SRBD1: variants seen among roughly 807,000 people sequenced by gnomAD.
The protein encoded by SRBD1 is S1 RNA binding domain 1, also known as S1 RNA-binding domain-containing protein 1.
Under a neutral mutation model 115.3 loss-of-function variants are expected in SRBD1, and 88 were observed. The observed-to-expected ratio is 0.76, with a 90% confidence interval of 0.64 to 0.91. The LOEUF (loss-of-function observed/expected upper bound fraction) is 0.91. Ranked by LOEUF, SRBD1 falls within the 40% of genes least tolerant of loss-of-function variation. The pLI is 0.00. For synonymous variants in SRBD1, 509 were observed against 407.7 expected, an observed-to-expected ratio of 1.25 and a Z score of -2.99; for missense variants, 1,385 against 1,177.4, an observed-to-expected ratio of 1.18 and a Z score of -2.58.
At chr2:45,588,923 T>C (rs376521143) in intron 4 of SRBD1, among the ~76,000 whole-genome samples, 31 of 152,316 alleles carry the variant, frequency 2.0e-4, no homozygotes, top group African/African-American at 7.2e-4. Context: ...TTTTCTTTCA[T>C]TGTAATCAAA....
chr2:45,447,767 G>T (rs978047795), intron 16 of SRBD1: 1 of 152,112 alleles, frequency 6.6e-6, no homozygotes, highest in African/African-American at 2.4e-5. Flanking sequence ...TTATATTCCT[G>T]AATATGTTAC....
At chr2:45,443,368 G>T (rs971942367) in intron 16 of SRBD1, among the ~76,000 whole-genome samples, 11 of 152,152 alleles carry the variant, frequency 7.2e-5, no homozygotes, top group African/African-American at 2.7e-4. Context: ...CAACAGGTTT[G>T]CAGTTTTACT....
chr2:45,445,611 G>A lies in SRBD1; in HGVS notation c.2050-25717C>T, dbSNP rs183632786. ...AAGGAATTAGTGTTAGTCAAGCCAC[G>A]GAACAAAGTCAGAAACATATTAAAG... On this transcript the variant is annotated intron_variant, in intron 16 of 20. Transcript: ENST00000263736. Among the ~76,000 whole-genome samples the A allele has an allele frequency of 2.2e-3, 319 of 143,738 alleles. 1 individual carries two copies. Among genetic ancestry groups the A allele is most frequent in the African/African-American group, 7.6e-3 (295 of 38,992 alleles). The allele number at this position is 143,738 out of a possible 152,430, so 94.3% of individuals were successfully genotyped here. A position where few individuals can be genotyped will look rare whatever the true frequency, so the allele number is the denominator to read the frequency against.
chr2:45,533,123 T>C (rs1671663993), intron 14 of SRBD1, among the ~76,000 whole-genome samples: 1 of 151,986 alleles, frequency 6.6e-6, no homozygotes. Flanking sequence ...GAGGAAAATA[T>C]GGATAAGAAT....
At chr2:45,587,399 A>T (rs1320475924) in intron 4 of SRBD1, among the ~76,000 whole-genome samples, 1 of 151,806 alleles carries the variant, frequency 6.6e-6, no homozygotes. Context: ...TACAAAAGTC[A>T]GCCCGGAAAA....
At chr2:45,510,160 G>C (rs1253097602) in intron 14 of SRBD1, among the ~76,000 whole-genome samples, 1 of 152,110 alleles carries the variant, frequency 6.6e-6, no homozygotes, top group Non-Finnish European at 1.5e-5. Context: ...GTTTATGTGT[G>C]TATATACTCT....
intron 15 of SRBD1, among the ~76,000 whole-genome samples, chr2:45,482,534 C>A (rs775063532): frequency 6.6e-6 from 1 of 151,320 alleles, no homozygotes; most frequent in Non-Finnish European, 1.5e-5. Flanking sequence ...AGAGATTTTA[C>A]GTACAGTATG....
In SRBD1 at chr2:45,389,109, T is replaced by C; in HGVS notation, c.*201A>G. ...GCCATATAAGAATGTGTATTAGTTG[T>C]TTCCTTTAAGGGAAAAGGAAATCAA... On this transcript the variant is annotated 3_prime_UTR_variant, in exon 21 of 21. Transcript: ENST00000263736. 1 of 642,964 alleles carries C rather than the reference T, an allele frequency of 1.6e-6. No individual in the cohort carries two copies. The highest frequency in any genetic ancestry group is 2.5e-5 in the South Asian group (1 of 40,622). The allele number at this position is 642,964 out of a possible 1,614,324, so 39.8% of individuals were successfully genotyped here. A position where few individuals can be genotyped will look rare whatever the true frequency, so the allele number is the denominator to read the frequency against.
At chr2:45,489,492 C>T (rs1279060684) in intron 14 of SRBD1, among the ~76,000 whole-genome samples, 8 of 152,110 alleles carry the variant, frequency 5.3e-5, no homozygotes, top group South Asian at 2.1e-4. Context: ...GAAGATTATT[C>T]TGGGGAATGT....
chr2:45,414,417 T>C (rs936384202), intron 18 of SRBD1, among the ~76,000 whole-genome samples: 1 of 147,130 alleles, frequency 6.8e-6, no homozygotes, highest in Admixed American at 6.8e-5. Flanking sequence ...TATGTGTATA[T>C]ACACATATAT....
intron 16 of SRBD1, among the ~76,000 whole-genome samples, chr2:45,455,772 AAAAT>A (rs1558406863): frequency 6.6e-6 from 1 of 151,876 alleles, no homozygotes; most frequent in Non-Finnish European, 1.5e-5. Flanking sequence ...AAAAAATAAA[AAAAT>A]AACAGTGGTG....
intron 12 of SRBD1, among the ~76,000 whole-genome samples, chr2:45,549,405 T>C (rs1036115439): frequency 6.6e-6 from 1 of 151,078 alleles, no homozygotes; most frequent in Non-Finnish European, 1.5e-5. Context: ...AACTAACGTA[T>C]GTAAAACTAA....
chr2:45,538,361 C>G (rs1358532487), intron 14 of SRBD1, among the ~76,000 whole-genome samples: 1 of 152,086 alleles, frequency 6.6e-6, no homozygotes, highest in Admixed American at 6.5e-5. Flanking sequence ...TTAGAGGGAT[C>G]AGAAAATTCA....
At chr2:45,531,304 A>C (rs937890172) in intron 14 of SRBD1, among the ~76,000 whole-genome samples, 1 of 151,906 alleles carries the variant, frequency 6.6e-6, no homozygotes, top group Admixed American at 6.6e-5. Flanking sequence ...AGGTAAGTGA[A>C]AACAATATTA....
chr2:45,549,255 A>C (rs184241593), intron 12 of SRBD1, among the ~76,000 whole-genome samples: 1 of 152,012 alleles, frequency 6.6e-6, no homozygotes, highest in Admixed American at 6.6e-5. Flanking sequence ...AGCAACAGAG[A>C]AGCAGATTCC....
At chr2:45,498,427 C>T (rs1259330464) in intron 14 of SRBD1, among the ~76,000 whole-genome samples, 4 of 152,098 alleles carry the variant, frequency 2.6e-5, no homozygotes, top group African/African-American at 9.7e-5. Context: ...TGATATATAA[C>T]TGTTATACAT....
In SRBD1 at chr2:45,410,934, G is replaced by C. The variant is rs867265868; in HGVS notation, c.2513+2180C>G. The stretch of plus-strand genomic sequence containing the variant: ...CTTTCCCTATACATCTTCTTCATCT[G>C]GCTGTTCATCTGTATCCTTTGTAAT... On this transcript the variant is annotated intron_variant, in intron 19 of 20. Transcript: ENST00000263736. 2.6e-4 allele frequency among the ~76,000 whole-genome samples: 40 copies of C among 152,016 alleles called. No homozygotes were observed. The Middle Eastern group carries it at 0.014, about 52-fold the overall frequency.
At chr2:45,482,777 C>T (rs1383679903) in intron 15 of SRBD1, among the ~76,000 whole-genome samples, 1 of 151,958 alleles carries the variant, frequency 6.6e-6, no homozygotes. Flanking sequence ...GGTTCCAGGA[C>T]CCCTGCAGAC....
intron 20 of SRBD1, among the ~76,000 whole-genome samples, chr2:45,390,411 G>A (rs1192955881): frequency 6.6e-6 from 1 of 152,108 alleles, no homozygotes; most frequent in African/African-American, 2.4e-5. Flanking sequence ...CAAAAGGTAG[G>A]CATAAAGCAT....
Sources: allele counts gnomAD v4.1 joint callset (sites outside exome capture counted in the v4.1 genomes callset), GRCh38; gene constraint gnomAD v4.1.1; transcripts MANE v1.5; gene names NCBI Gene and HGNC (gene_info 2026-07-23, HGNC 2026-07-21).